Variants in STON1 observed in about 807,000 individuals in gnomAD.
STON1 encodes stonin-1.
A neutral mutation model predicts 60.9 loss-of-function variants in STON1; 79 were observed. The ratio of observed to expected loss-of-function variants is 1.30; its 90% CI spans 1.08 to 1.56. The LOEUF is 1.56. Among genes scored for constraint, STON1 ranks in the 40% most tolerant of loss-of-function variants. STON1 has a pLI of 0.00. For missense variants in STON1, 1,166 were observed against 858.9 expected, an observed-to-expected ratio of 1.36 and a Z score of -4.47; for synonymous variants, 363 against 306.9, an observed-to-expected ratio of 1.18 and a Z score of -1.91.
At chr2:48,591,541 G>T in intron 2 of STON1, 112 bp from the exon 3 acceptor site, 2 of 1,420,214 alleles carry the variant, frequency 1.4e-6, no homozygotes, top group East Asian at 2.3e-5. Context: ...TTGCACTGCT[G>T]CAGTGCTAAT....
rs568462168 is a variant in STON1 at position 48,536,354 on chromosome 2, C to G, written c.-48+6138C>G. ...CCTGAGGTTAAAAGTTCGAGACCAGCCTGGCCAACATGGTAAAACCCCATC... is the reference window on the plus strand; with the variant it reads ...CCTGAGGTTAAAAGTTCGAGACCAGGCTGGCCAACATGGTAAAACCCCATC... On this transcript the variant is annotated intron_variant, in intron 1 of 3. Transcript: ENST00000404752. Among the ~76,000 whole-genome samples the G allele has an allele frequency of 6.6e-5, 10 of 151,956 alleles. No individual in the cohort carries two copies. In the South Asian group the frequency reaches 1.9e-3, roughly 28 times the overall value.
chr2:48,558,732 A>G (rs191160782), intron 1 of STON1, among the ~76,000 whole-genome samples: 2 of 152,354 alleles, frequency 1.3e-5, no homozygotes, highest in Non-Finnish European at 2.9e-5. Context: ...TTACTCAAGC[A>G]GATGTCCCTT....
At chr2:48,594,524 C>T (rs935130941) in intron 3 of STON1, among the ~76,000 whole-genome samples, 1 of 152,014 alleles carries the variant, frequency 6.6e-6, no homozygotes, top group African/African-American at 2.4e-5. Flanking sequence ...CCTCATGGAG[C>T]ATAGTTTCTA....
Position 48,569,818 on chromosome 2 carries a change from G to A in STON1, c.-47-10769G>A, listed in dbSNP as rs1460939380. Among the ~76,000 whole-genome samples the A allele has an allele frequency of 1.2e-4, 18 of 152,192 alleles. No individual in the cohort carries two copies. The East Asian group carries it at 3.3e-3, about 28-fold the overall frequency. ...ACCAGAAGTGTTTTAGATTTTTTTG[G>A]ATTTTGGAGTATTTGCATCCCCAAA... On this transcript the variant is annotated intron_variant, in intron 1 of 3. Coordinates refer to ENST00000404752, the MANE Select transcript of STON1 (RefSeq NM_006873.4).
Position 48,595,451 on chromosome 2 carries a change from A to T in STON1, c.*149A>T. ...GCTGTGTTTAGAGAAGTTTAGACCTAAAACCGAACAATCTGTATTTTTTGC... is the reference window on the plus strand; with the variant it reads ...GCTGTGTTTAGAGAAGTTTAGACCTTAAACCGAACAATCTGTATTTTTTGC... On this transcript the variant is annotated 3_prime_UTR_variant, in exon 4 of 4. Transcript: ENST00000404752. 1.6e-6 allele frequency: 1 copy of T among 624,390 alleles called. No homozygotes were observed. Among genetic ancestry groups the T allele is most frequent in the Non-Finnish European group, 2.7e-6 (1 of 365,272 alleles). 38.7% of individuals were successfully genotyped at this position (624,390 alleles called of 1,614,324 possible). A position where few individuals can be genotyped will look rare whatever the true frequency, so the allele number is the denominator to read the frequency against.
In STON1 at chr2:48,580,828, C is replaced by G. The variant is rs1290578055; in HGVS notation, c.195C>G (p.Pro65=). The change falls in exon 2 of 4, where the codon CCC becomes CCG. Residue 65 remains proline (P), a synonymous_variant. Transcript: ENST00000404752. ...SSTSSTPLSS[P]IVDFYFSPGP... ...CCAGCAGCACTCCTCTCTCCTCCCC[C>G]ATTGTAGATTTTTATTTCAGTCCAG... The G allele has an allele frequency of 1.3e-6, 2 of 1,547,844 alleles. No individual in the cohort carries two copies. Among genetic ancestry groups the G allele is most frequent in the African/African-American group, 2.8e-5 (2 of 72,514 alleles).
intron 1 of STON1, among the ~76,000 whole-genome samples, chr2:48,564,039 C>T (rs1333950765): frequency 6.6e-6 from 1 of 152,082 alleles, no homozygotes; most frequent in Non-Finnish European, 1.5e-5. Context: ...TTTCTCCCTC[C>T]TGTTAGAGGC....
At chr2:48,576,181 C>CTTTCT (rs1558623806) in intron 1 of STON1, among the ~76,000 whole-genome samples, 3 of 110,072 alleles carry the variant, frequency 2.7e-5, no homozygotes, top group Non-Finnish European at 1.9e-5. Context: ...TGTTGTTTTC[C>CTTTCT]TTTCTTTTTT....
At chr2:48,582,634 T>A (rs2103920789) in intron 2 of STON1, 71 bp downstream of exon 2, 3 of 1,540,236 alleles carry the variant, frequency 1.9e-6, no homozygotes, top group Non-Finnish European at 1.7e-6. Flanking sequence ...CTCCTTGGGT[T>A]GAAACCAGGT....
intron 1 of STON1, 116 bp from the exon 2 acceptor site, chr2:48,580,471 C>T (rs183097006): frequency 2.8e-6 from 3 of 1,087,386 alleles, no homozygotes; most frequent in Admixed American, 4.2e-5. Context: ...TTTTAATCCA[C>T]TTAGCCACCA....
chr2:48,549,008 A>G (rs957456915), intron 1 of STON1, among the ~76,000 whole-genome samples: 5 of 152,192 alleles, frequency 3.3e-5, no homozygotes, highest in South Asian at 2.1e-4. Flanking sequence ...GGCAGAGTCA[A>G]TGAGCCCGGA....
chr2:48,547,176 ATC>A (rs1206906634), intron 1 of STON1, among the ~76,000 whole-genome samples: 1 of 152,232 alleles, frequency 6.6e-6, no homozygotes, highest in African/African-American at 2.4e-5. Context: ...GAATCAGTTG[ATC>A]TCTCTGGACT....
rs6755342 is a variant in STON1, at chr2:48,552,374, G to A, written c.-48+22158G>A. On this transcript the variant is annotated intron_variant, in intron 1 of 3. Transcript: ENST00000404752. ...ATGAATGAGGACTAAGTGTTTTATG[G>A]GTGCAGAGTTTTAGTTTGGAAAGAT... 4.9e-3 allele frequency among the ~76,000 whole-genome samples: 750 copies of A among 152,238 alleles called. 5 individuals carry two copies. The highest frequency in any genetic ancestry group is 0.017 in the African/African-American group (720 of 41,536).
chr2:48,550,247 C>T (rs993141330), intron 1 of STON1, among the ~76,000 whole-genome samples: 4 of 151,964 alleles, frequency 2.6e-5, no homozygotes, highest in Non-Finnish European at 5.9e-5. Context: ...CTTGTATTCC[C>T]AGCACTTTGA....
intron 1 of STON1, among the ~76,000 whole-genome samples, chr2:48,555,247 C>T (rs1331271327): frequency 1.8e-5 from 2 of 109,766 alleles, no homozygotes; most frequent in African/African-American, 6.8e-5. Context: ...TTGGGCACAC[C>T]TCCCAGACGG....
intron 2 of STON1, among the ~76,000 whole-genome samples, chr2:48,584,334 G>A (rs978692755): frequency 6.6e-6 from 1 of 151,444 alleles, no homozygotes; most frequent in African/African-American, 2.4e-5. Context: ...AGTGCAGTGC[G>A]ATAGCTCACT....
chr2:48,545,905 C>T (rs965331861), intron 1 of STON1, among the ~76,000 whole-genome samples: 1 of 152,180 alleles, frequency 6.6e-6, no homozygotes, highest in African/African-American at 2.4e-5. Context: ...CTGGGGCCAC[C>T]AAGTCACTGT....
In STON1 at chr2:48,580,956, C is replaced by A; in HGVS notation, c.323C>A (p.Ser108Ter). Residue 108 changes from serine (S) to a stop codon, truncating the protein, a stop_gained, in exon 2 of 4, where the codon TCA (serine) becomes TAA (stop). Transcript: ENST00000404752. LOFTEE classifies it high-confidence loss of function. ...CATGTGCTTTATCCTATTCCAGAAT[C>A]ATCTTCAGACAGCCCACTCGCAATA... ...GTHVLYPIPESSSDSPLAISG... is the reference protein window; with the variant it reads ...GTHVLYPIPE 1 of 1,587,028 alleles carries A rather than the reference C, an allele frequency of 6.3e-7. No individual in the cohort carries two copies. The highest frequency in any genetic ancestry group is 8.5e-7 in the Non-Finnish European group (1 of 1,170,074).
chr2:48,538,079 T>C (rs1182504801), intron 1 of STON1, among the ~76,000 whole-genome samples: 1 of 151,502 alleles, frequency 6.6e-6, no homozygotes, highest in Non-Finnish European at 1.5e-5. Context: ...TCAGCCTCCT[T>C]AGTAGCTGGG....
Sources: allele counts gnomAD v4.1 joint callset (sites outside exome capture counted in the v4.1 genomes callset), GRCh38; gene constraint gnomAD v4.1.1; transcripts MANE v1.5; gene names NCBI Gene and HGNC (gene_info 2026-07-23, HGNC 2026-07-21).